MTMR3: variants seen among roughly 807,000 people sequenced by gnomAD.
MTMR3 encodes phosphatidylinositol-3,5-bisphosphate 3-phosphatase MTMR3.
A neutral mutation model predicts 132.4 loss-of-function variants in MTMR3; 32 were observed. That is an observed-to-expected ratio of 0.24 (90% CI 0.18 to 0.32). MTMR3 has a LOEUF of 0.32. Ranked by LOEUF, MTMR3 falls within the 10% of genes least tolerant of loss-of-function variation. The probability of loss-of-function intolerance (pLI) is 1.00; values close to 1 mark genes in which losing one functional copy is unlikely to be tolerated. For missense variants in MTMR3, 1,216 were observed against 1,489.6 expected, an observed-to-expected ratio of 0.82 and a Z score of 3.02; for synonymous variants, 556 against 550.3, an observed-to-expected ratio of 1.01 and a Z score of -0.14.
intron 1 of MTMR3, among the ~76,000 whole-genome samples, chr22:29,955,805 G>A (rs186052005): frequency 1.0e-3 from 157 of 152,146 alleles, no homozygotes; most frequent in African/African-American, 3.1e-3. Flanking sequence ...AGGCTGGAGC[G>A]CAGTGGCGCA....
In MTMR3 at chr22:30,028,295, T is replaced by C. The variant is rs1355366119; in HGVS notation, c.*2494T>C. 1 of 152,380 alleles carries C rather than the reference T, an allele frequency of 6.6e-6. No homozygotes were observed. The highest frequency in any genetic ancestry group is 1.5e-5 in the Non-Finnish European group (1 of 68,096). 9.4% of individuals were successfully genotyped at this position (152,380 alleles called of 1,614,324 possible). ...GAGAAAATGCTTCTGCCTGTTGTTC[T>C]TGAAGGATAGACTATGGGTGGGCAG... On this transcript the variant is annotated 3_prime_UTR_variant, in exon 20 of 20. Coordinates refer to ENST00000401950, the MANE Select transcript of MTMR3 (RefSeq NM_021090.4).
Position 29,899,119 on chromosome 22 carries a change from G to A in MTMR3, c.-138+15760G>A, listed in dbSNP as rs2064958263. Reference sequence around the variant, plus strand: ...TACATTTATAGCATTTACCTCCAGTGGGGTTGAGATGAGGAGCCTTCAATC... The same window carrying A: ...TACATTTATAGCATTTACCTCCAGTAGGGTTGAGATGAGGAGCCTTCAATC... On this transcript the variant is annotated intron_variant, in intron 1 of 19. Transcript: ENST00000401950. 2.0e-5 allele frequency among the ~76,000 whole-genome samples: 3 copies of A among 152,124 alleles called. No homozygotes were observed. In the South Asian group the frequency reaches 6.2e-4, roughly 32 times the overall value.
intron 4 of MTMR3, 50 bp from the exon 5 acceptor site, chr22:29,978,883 CTTT>C: frequency 9.9e-6 from 11 of 1,110,436 alleles, no homozygotes; most frequent in African/African-American, 1.6e-5. Flanking sequence ...ATGTTTGAAG[CTTT>C]TTTTTTTTTA....
chr22:29,972,292 G>A (rs906952700), intron 3 of MTMR3, among the ~76,000 whole-genome samples: 2 of 152,140 alleles, frequency 1.3e-5, no homozygotes, highest in African/African-American at 4.8e-5. Context: ...TCTGTATTGA[G>A]GGTTTGTCCT....
At chr22:29,932,666 A>G (rs550793546) in intron 1 of MTMR3, among the ~76,000 whole-genome samples, 4 of 152,332 alleles carry the variant, frequency 2.6e-5, no homozygotes, top group African/African-American at 9.6e-5. Flanking sequence ...TGAAAAAGCA[A>G]AAGGATAATG....
chr22:29,885,954 G>T (rs546786373), intron 1 of MTMR3, among the ~76,000 whole-genome samples: 15 of 152,260 alleles, frequency 9.9e-5, no homozygotes, highest in African/African-American at 3.6e-4. Context: ...GAAGGGCTTT[G>T]GTAAATATCC....
intron 1 of MTMR3, among the ~76,000 whole-genome samples, chr22:29,897,243 A>C (rs2064919649): frequency 6.6e-6 from 1 of 151,754 alleles, no homozygotes; most frequent in African/African-American, 2.4e-5. Context: ...TGCCCAGCTA[A>C]TTTTTGTATT....
intron 1 of MTMR3, among the ~76,000 whole-genome samples, chr22:29,893,682 T>C (rs781558043): frequency 3.9e-5 from 6 of 152,200 alleles, no homozygotes; most frequent in South Asian, 4.2e-4. Context: ...AAGACACTTA[T>C]ATATAGAAGA....
chr22:30,022,457 G>A (rs930389430), intron 18 of MTMR3, 152 bp from the exon 19 acceptor site: 27 of 675,694 alleles, frequency 4.0e-5, no homozygotes, highest in Admixed American at 3.5e-4. Flanking sequence ...CGATTTGGAC[G>A]CCTTTCTTGT....
intron 1 of MTMR3, among the ~76,000 whole-genome samples, chr22:29,949,657 CTT>C (rs1165018719): frequency 6.6e-6 from 1 of 151,798 alleles, no homozygotes; most frequent in Non-Finnish European, 1.5e-5. Flanking sequence ...TAAAAAAAAA[CTT>C]TTTGAGAACC....
chr22:29,883,711 T>C (rs1212966472), intron 1 of MTMR3, among the ~76,000 whole-genome samples: 1 of 152,138 alleles, frequency 6.6e-6, no homozygotes, highest in Non-Finnish European at 1.5e-5. Context: ...CCCGGAGTTA[T>C]TCCCACGAAC....
chr22:29,890,266 C>A (rs781012111), intron 1 of MTMR3, among the ~76,000 whole-genome samples: 14 of 152,038 alleles, frequency 9.2e-5, no homozygotes, highest in Non-Finnish European at 1.8e-4. Context: ...CATGTAATCC[C>A]AGCACTTTGG....
At chr22:29,886,366 A>C (rs2064677387) in intron 1 of MTMR3, among the ~76,000 whole-genome samples, 2 of 152,358 alleles carry the variant, frequency 1.3e-5, no homozygotes, top group South Asian at 4.1e-4. Context: ...AGTCTTAATG[A>C]ATCTTAAGTG....
At chr22:29,997,346 A>G (rs1396624467) in intron 7 of MTMR3, 1 of 152,204 alleles carries the variant, frequency 6.6e-6, no homozygotes, top group Non-Finnish European at 1.5e-5. Flanking sequence ...CCCAGGGAGA[A>G]CAAAGCTTTA....
At chr22:29,997,820 T>A (rs1398261897) in intron 7 of MTMR3, 1 of 152,212 alleles carries the variant, frequency 6.6e-6, no homozygotes, top group African/African-American at 2.4e-5. Context: ...CATGAGGCTA[T>A]TTGTTGCTTT....
At chr22:29,895,311 T>C (rs993967794) in intron 1 of MTMR3, among the ~76,000 whole-genome samples, 1 of 152,166 alleles carries the variant, frequency 6.6e-6, no homozygotes, top group Non-Finnish European at 1.5e-5. Flanking sequence ...TCATTGTAAC[T>C]AGGCCCAAAC....
At position 30,022,527 on chromosome 22, in the gene MTMR3, C is replaced by T. The variant is rs2067790341; in HGVS notation, c.3337-82C>T. On this transcript the variant is annotated intron_variant, in intron 18 of 19. Transcript: ENST00000401950. ...TGGAGCTGATGTGGTCCTTGTGACT[C>T]TTGCTGCCCCCAGCATGGCTCTGCT... 3.2e-6 allele frequency: 4 copies of T among 1,240,862 alleles called. No individual in the cohort carries two copies. The South Asian group carries it at 4.9e-5, about 15-fold the overall frequency. 76.9% of individuals were successfully genotyped at this position (1,240,862 alleles called of 1,614,324 possible).
At chr22:29,954,174 T>G (rs900786017) in intron 1 of MTMR3, among the ~76,000 whole-genome samples, 1 of 147,678 alleles carries the variant, frequency 6.8e-6, no homozygotes, top group South Asian at 2.2e-4. Context: ...CTCGGACTCC[T>G]GGGCTCAAGC....
intron 1 of MTMR3, among the ~76,000 whole-genome samples, chr22:29,941,938 G>T (rs2065864927): frequency 6.6e-6 from 1 of 152,146 alleles, no homozygotes; most frequent in Admixed American, 6.5e-5. Context: ...AGCTACGATT[G>T]TGCCACTGCA....
Sources: allele counts gnomAD v4.1 joint callset (sites outside exome capture counted in the v4.1 genomes callset), GRCh38; gene constraint gnomAD v4.1.1; transcripts MANE v1.5; gene names NCBI Gene and HGNC (gene_info 2026-07-23, HGNC 2026-07-21).